GRIA2: variants seen among roughly 807,000 people sequenced by gnomAD.
GRIA2 encodes the protein glutamate ionotropic receptor AMPA type subunit 2.
A neutral mutation model predicts 97.3 loss-of-function variants in GRIA2; 14 were observed. The observed-to-expected ratio is 0.14, with a 90% CI of 0.10 to 0.23. GRIA2 has a LOEUF of 0.23. GRIA2 is among the 10% of genes least tolerant of loss of function. The pLI is 1.00. For synonymous variants in GRIA2, 412 were observed against 387.8 expected (o/e 1.06, Z -0.73); for missense variants, 558 against 1,069.8 (o/e 0.52, Z 6.67).
chr4:157,297,168 G>T (rs1341353800), intron 2 of GRIA2, among the ~76,000 whole-genome samples: 5 of 152,096 alleles, frequency 3.3e-5, no homozygotes, highest in Non-Finnish European at 1.5e-5. Context: ...CCATATTAAG[G>T]CAATGTCATG....
chr4:157,350,469 T>C (rs1436675162), intron 12 of GRIA2, among the ~76,000 whole-genome samples: 1 of 152,000 alleles, frequency 6.6e-6, no homozygotes, highest in Admixed American at 6.6e-5. Context: ...AGTTCTTTAG[T>C]GGTGATTTCT....
intron 5 of GRIA2, 86 bp from the exon 6 acceptor site, chr4:157,321,352 C>T: frequency 1.1e-6 from 1 of 914,732 alleles, no homozygotes; most frequent in Non-Finnish European, 1.7e-6. Flanking sequence ...ATATCTAAAA[C>T]CACAATGTAT....
chr4:157,355,943 A>ATATATATT lies in GRIA2; in HGVS notation c.2044-3941_2044-3934dup, dbSNP rs1159171480. On this transcript the variant is annotated intron_variant, in intron 12 of 15. Transcript: ENST00000264426. ...TATATTTATATATATTTATATATTA[A>ATATATATT]TATATATTTATATATTTATGTATAT... Among the ~76,000 whole-genome samples the ATATATATT allele has an allele frequency of 3.6e-3, 21 of 5,816 alleles. No homozygotes were observed. In the East Asian group the frequency reaches 0.068, roughly 19 times the overall value. 3.8% of individuals were successfully genotyped at this position (5,816 alleles called of 152,430 possible). A position where few individuals can be genotyped will look rare whatever the true frequency, so the allele number is the denominator to read the frequency against.
At chr4:157,297,086 G>A (rs1733380466) in intron 2 of GRIA2, among the ~76,000 whole-genome samples, 1 of 152,048 alleles carries the variant, frequency 6.6e-6, no homozygotes, top group South Asian at 2.1e-4. Flanking sequence ...TGCCATGAGA[G>A]GAAAAAGATT....
chr4:157,252,589 T>A (rs1056827301), intron 2 of GRIA2, among the ~76,000 whole-genome samples: 1 of 152,120 alleles, frequency 6.6e-6, no homozygotes, highest in Non-Finnish European at 1.5e-5. Flanking sequence ...TGATATTGTA[T>A]AATGAATTAT....
intron 6 of GRIA2, among the ~76,000 whole-genome samples, chr4:157,324,187 C>A (rs950965541): frequency 2.0e-5 from 3 of 152,090 alleles, no homozygotes; most frequent in African/African-American, 7.2e-5. Flanking sequence ...TGTATTCCAA[C>A]TTTAACATTT....
At position 157,295,016 on chromosome 4, in the gene GRIA2, C is replaced by T. The variant is rs537976774; in HGVS notation, c.230-8536C>T. On this transcript the variant is annotated intron_variant, in intron 2 of 15. Coordinates refer to ENST00000264426, the MANE Select transcript of GRIA2 (RefSeq NM_001083619.3). Reference sequence around the variant, plus strand: ...GATACAGACAGAGGTAATTCTCTTTCGTTTATGTATCCAGAACCCATCATT... The same window carrying T: ...GATACAGACAGAGGTAATTCTCTTTTGTTTATGTATCCAGAACCCATCATT... 3.3e-5 allele frequency among the ~76,000 whole-genome samples: 5 copies of T among 152,222 alleles called. No individual in the cohort carries two copies. The East Asian group carries it at 5.8e-4, about 18-fold the overall frequency.
At chr4:157,279,571 A>C (rs1184420676) in intron 2 of GRIA2, among the ~76,000 whole-genome samples, 2 of 152,270 alleles carry the variant, frequency 1.3e-5, no homozygotes, top group East Asian at 1.9e-4. Flanking sequence ...TAAAGAACTA[A>C]TAATATGCAT....
intron 4 of GRIA2, among the ~76,000 whole-genome samples, chr4:157,313,300 T>A (rs1334845777): frequency 6.6e-6 from 1 of 152,096 alleles, no homozygotes; most frequent in African/African-American, 2.4e-5. Context: ...CATCTATGCC[T>A]CCAGAAAGAG....
chr4:157,280,206 C>G (rs1732532655), intron 2 of GRIA2, among the ~76,000 whole-genome samples: 1 of 152,058 alleles, frequency 6.6e-6, no homozygotes, highest in African/African-American at 2.4e-5. Flanking sequence ...TACAACCATA[C>G]TTATAAGTAG....
intron 2 of GRIA2, among the ~76,000 whole-genome samples, chr4:157,226,835 A>G (rs1729768294): frequency 6.6e-6 from 1 of 152,178 alleles, no homozygotes; most frequent in Non-Finnish European, 1.5e-5. Flanking sequence ...CAATGATGAC[A>G]AACCATGAAC....
chr4:157,246,814 G>A (rs1398705720), intron 2 of GRIA2, among the ~76,000 whole-genome samples: 2 of 151,934 alleles, frequency 1.3e-5, no homozygotes, highest in African/African-American at 2.4e-5. Context: ...TTTGGTTTTC[G>A]ATCTTCACAG....
At chr4:157,358,726 G>C (rs938765858) in intron 12 of GRIA2, among the ~76,000 whole-genome samples, 10 of 152,120 alleles carry the variant, frequency 6.6e-5, no homozygotes, top group African/African-American at 2.2e-4. Flanking sequence ...AGTGACACAA[G>C]CATACTCTAT....
intron 2 of GRIA2, among the ~76,000 whole-genome samples, chr4:157,227,483 T>C (rs1579286336): frequency 1.3e-5 from 2 of 152,278 alleles, no homozygotes; most frequent in East Asian, 1.9e-4. Context: ...TCCCTTTTTA[T>C]AAAAAAGTCA....
chr4:157,334,137 G>T lies in GRIA2; in HGVS notation c.1266+17G>T. 1 of 1,221,900 alleles carries T rather than the reference G, an allele frequency of 8.2e-7. No individual in the cohort carries two copies. The highest frequency in any genetic ancestry group is 1.2e-6 in the Non-Finnish European group (1 of 822,650). 75.7% of individuals were successfully genotyped at this position (1,221,900 alleles called of 1,614,324 possible). On this transcript the variant is annotated intron_variant, in intron 9 of 15. Coordinates refer to ENST00000264426, the MANE Select transcript of GRIA2 (RefSeq NM_001083619.3). ...ACAATTTTGGTAATTTGCTACATAT[G>T]CCATGTTTTACTTTGTATTTTCTTA...
intron 2 of GRIA2, among the ~76,000 whole-genome samples, chr4:157,297,358 A>C (rs769385152): frequency 6.6e-6 from 1 of 152,152 alleles, no homozygotes; most frequent in Non-Finnish European, 1.5e-5. Flanking sequence ...CTAAAGGAAA[A>C]TATGAGCAAA....
chr4:157,342,312 TC>T, intron 12 of GRIA2: 1 of 984,990 alleles, frequency 1.0e-6, no homozygotes, highest in Non-Finnish European at 1.2e-6. Context: ...TTGAAGACTA[TC>T]TCATGCTACA....
intron 2 of GRIA2, among the ~76,000 whole-genome samples, chr4:157,223,637 T>C (rs772680877): frequency 7.9e-5 from 12 of 152,206 alleles, no homozygotes; most frequent in Admixed American, 6.5e-4. Flanking sequence ...TAACTGTGTG[T>C]AATTGTATAC....
At chr4:157,337,996 G>GTATATATATGTGTATATATATATATA (rs1735365099) in intron 11 of GRIA2, among the ~76,000 whole-genome samples, 11 of 126,076 alleles carry the variant, frequency 8.7e-5, no homozygotes, top group Non-Finnish European at 1.6e-4. Flanking sequence ...ACATATGTGT[G>GTATATATATGTGTATATATATATATA]TATATATATG....
Sources: gnomAD v4.1 joint callset for allele counts (sites outside exome capture counted in the v4.1 genomes callset) on GRCh38, gnomAD v4.1.1 for gene constraint, MANE v1.5 for transcripts, NCBI Gene and HGNC (gene_info 2026-07-23, HGNC 2026-07-21) for gene names.